PALM2AKAP2: variants seen among roughly 807,000 people sequenced by gnomAD.
PALM2AKAP2 encodes the protein PALM2 and AKAP2 fusion, also known as PALM2-AKAP2 fusion protein.
A neutral mutation model predicts 71.5 loss-of-function variants in PALM2AKAP2; 37 were observed. The ratio of observed to expected loss-of-function variants is 0.52; its 90% CI spans 0.40 to 0.68. The LOEUF (loss-of-function observed/expected upper bound fraction) is 0.68, where lower values mean the gene tolerates loss of function less well. Ranked by LOEUF, PALM2AKAP2 falls within the 30% of genes least tolerant of loss-of-function variation. The pLI, the probability that PALM2AKAP2 is intolerant of heterozygous loss-of-function variation, is 0.00. For synonymous variants in PALM2AKAP2, 468 were observed against 478.8 expected (o/e 0.98, Z 0.29); for missense variants, 1,224 against 1,191.8 (o/e 1.03, Z -0.40).
chr9:110,080,429 A>G (rs1834423972), intron 1 of PALM2AKAP2, among the ~76,000 whole-genome samples: 1 of 152,192 alleles, frequency 6.6e-6, no homozygotes, highest in South Asian at 2.1e-4. Context: ...AATATTTAAT[A>G]GGAGTTGCCA....
chr9:110,076,536 C>G (rs1271020089), intron 1 of PALM2AKAP2, among the ~76,000 whole-genome samples: 3 of 110,874 alleles, frequency 2.7e-5, no homozygotes, highest in African/African-American at 4.1e-5. Context: ...CAAAAGGATG[C>G]TTTTCAAAAG....
At chr9:109,761,810 T>C (rs769404947) in intron 1 of PALM2AKAP2, among the ~76,000 whole-genome samples, 20 of 152,376 alleles carry the variant, frequency 1.3e-4, no homozygotes, top group Non-Finnish European at 2.5e-4. Flanking sequence ...TCTTTGCTAT[T>C]GTAAATAGTG....
intron 6 of PALM2AKAP2, among the ~76,000 whole-genome samples, chr9:109,964,804 A>T (rs1210299977): frequency 6.6e-6 from 1 of 152,208 alleles, no homozygotes; most frequent in Non-Finnish European, 1.5e-5. Context: ...CTCTCAGGCC[A>T]TGGAGCTTCC....
At chr9:109,876,876 G>T (rs1315431513) in intron 2 of PALM2AKAP2, among the ~76,000 whole-genome samples, 1 of 150,338 alleles carries the variant, frequency 6.7e-6, no homozygotes, top group African/African-American at 2.5e-5. Flanking sequence ...AGAGATGGAA[G>T]TAGAGGGACA....
At chr9:109,986,721 T>C (rs1309720044) in intron 6 of PALM2AKAP2, among the ~76,000 whole-genome samples, 1 of 152,270 alleles carries the variant, frequency 6.6e-6, no homozygotes, top group African/African-American at 2.4e-5. Context: ...TTCTTGCCTT[T>C]CTTTTCCTTG....
chr9:109,748,092 C>T (rs1034657522), intron 1 of PALM2AKAP2, among the ~76,000 whole-genome samples: 1 of 152,200 alleles, frequency 6.6e-6, no homozygotes, highest in Non-Finnish European at 1.5e-5. Context: ...CTGGTGGCCA[C>T]CTTCTTATAT....
At chr9:109,868,512 G>A (rs1005053106) in intron 2 of PALM2AKAP2, among the ~76,000 whole-genome samples, 4 of 152,080 alleles carry the variant, frequency 2.6e-5, no homozygotes, top group African/African-American at 9.7e-5. Flanking sequence ...TGACTTTCGG[G>A]GTGATGCTCG....
At chr9:109,691,223 A>G (rs1189382253) in intron 1 of PALM2AKAP2, among the ~76,000 whole-genome samples, 1 of 151,286 alleles carries the variant, frequency 6.6e-6, no homozygotes, top group Non-Finnish European at 1.5e-5. Flanking sequence ...ACAGCTTCAT[A>G]TATCCTGCAG....
At chr9:109,912,947 G>A (rs1564207240) in intron 3 of PALM2AKAP2, among the ~76,000 whole-genome samples, 1 of 152,218 alleles carries the variant, frequency 6.6e-6, no homozygotes, top group African/African-American at 2.4e-5. Context: ...CAAGAGTTCA[G>A]TTGGCCTAGC....
chr9:109,839,920 G>A (rs564196233), intron 1 of PALM2AKAP2, among the ~76,000 whole-genome samples: 11 of 152,262 alleles, frequency 7.2e-5, no homozygotes, highest in South Asian at 2.1e-4. Flanking sequence ...AATCAATATC[G>A]TGAAAATGGT....
intron 7 of PALM2AKAP2, among the ~76,000 whole-genome samples, chr9:110,027,547 T>C (rs1049703210): frequency 5.3e-5 from 8 of 152,256 alleles, no homozygotes; most frequent in Admixed American, 2.0e-4. Flanking sequence ...TCATTTATGC[T>C]TGAACAAGAA....
chr9:109,776,594 A>AG (rs955775337), upstream of PALM2AKAP2, among the ~76,000 whole-genome samples: 2 of 152,232 alleles, frequency 1.3e-5, no homozygotes, highest in African/African-American at 4.8e-5. Context: ...CCATGGCTTC[A>AG]GGGGGATCTG....
intron 1 of PALM2AKAP2, among the ~76,000 whole-genome samples, chr9:110,079,993 C>T (rs1266632905): frequency 2.2e-5 from 3 of 137,610 alleles, no homozygotes; most frequent in South Asian, 2.3e-4. Context: ...TCACTTGAAC[C>T]GGGGAGGTGG....
At chr9:109,732,001 G>A (rs997085492) in intron 1 of PALM2AKAP2, among the ~76,000 whole-genome samples, 4 of 152,312 alleles carry the variant, frequency 2.6e-5, no homozygotes, top group East Asian at 3.9e-4. Context: ...CCAGGTCTGC[G>A]ATTTGAGAAG....
At chr9:109,687,875 A>T (rs1347173833) in intron 1 of PALM2AKAP2, among the ~76,000 whole-genome samples, 1 of 152,196 alleles carries the variant, frequency 6.6e-6, no homozygotes, top group Non-Finnish European at 1.5e-5. Context: ...CTTTCACTTG[A>T]ACACCTAGAG....
chr9:109,753,508 G>C (rs780552223), intron 1 of PALM2AKAP2, among the ~76,000 whole-genome samples: 2 of 152,156 alleles, frequency 1.3e-5, no homozygotes, highest in Non-Finnish European at 2.9e-5. Flanking sequence ...GCTTTTCTGC[G>C]CCCTTGGGCT....
chr9:110,135,946 T>C (rs927249400), intron 1 of PALM2AKAP2, among the ~76,000 whole-genome samples, 181 bp from the exon 8 acceptor site: 2 of 152,136 alleles, frequency 1.3e-5, no homozygotes, highest in Admixed American at 1.3e-4. Context: ...TTAGAGAGGA[T>C]TGGGCACCTG....
chr9:109,902,576 G>A (rs770738141), intron 3 of PALM2AKAP2, among the ~76,000 whole-genome samples: 15 of 152,240 alleles, frequency 9.9e-5, no homozygotes, highest in Non-Finnish European at 1.9e-4. Context: ...AGATGTGTCA[G>A]CATTGACTTC....
At chr9:109,978,768 C>T (rs1335028594) in intron 6 of PALM2AKAP2, among the ~76,000 whole-genome samples, 3 of 152,086 alleles carry the variant, frequency 2.0e-5, no homozygotes, top group Non-Finnish European at 2.9e-5. Context: ...CCCTGAGATT[C>T]GTTGGCCATC....
Sources: gnomAD v4.1 joint callset for allele counts (sites outside exome capture counted in the v4.1 genomes callset) on GRCh38, gnomAD v4.1.1 for gene constraint, MANE v1.5 for transcripts, NCBI Gene and HGNC (gene_info 2026-07-23, HGNC 2026-07-21) for gene names.